TRIM44: variants seen among roughly 807,000 people sequenced by gnomAD.
TRIM44 encodes tripartite motif containing 44, also known as tripartite motif-containing protein 44.
Under a neutral mutation model 37.4 loss-of-function variants are expected in TRIM44, and 13 were observed. The observed-to-expected ratio is 0.35, with a 90% CI of 0.23 to 0.55. TRIM44 has a LOEUF of 0.55. Among genes scored for constraint, TRIM44 ranks in the 20% least tolerant of loss-of-function variants. TRIM44 has a pLI of 0.89. For missense variants in TRIM44, 426 were observed against 437.2 expected, an observed-to-expected ratio of 0.97 and a Z score of 0.23; for synonymous variants, 175 against 157.2, an observed-to-expected ratio of 1.11 and a Z score of -0.85.
intron 2 of TRIM44, among the ~76,000 whole-genome samples, chr11:35,699,446 C>T (rs549261572): frequency 2.0e-5 from 3 of 152,134 alleles, no homozygotes; most frequent in Admixed American, 6.5e-5. Flanking sequence ...ATTGATGGGA[C>T]GTATCTCAAA....
chr11:35,702,335 A>G (rs1166111245), intron 2 of TRIM44, among the ~76,000 whole-genome samples: 1 of 152,112 alleles, frequency 6.6e-6, no homozygotes, highest in Non-Finnish European at 1.5e-5. Flanking sequence ...GTGCGCATCC[A>G]CCGTTCTTTG....
At chr11:35,709,428 C>CA (rs200964798) in intron 2 of TRIM44, among the ~76,000 whole-genome samples, 1,874 of 152,080 alleles carry the variant, frequency 0.012, 48 homozygotes, top group African/African-American at 0.044. Context: ...AGGGATGAAA[C>CA]AAAAAAATCC....
chr11:35,763,246 A>C (rs1852751428), intron 4 of TRIM44, among the ~76,000 whole-genome samples: 2 of 152,120 alleles, frequency 1.3e-5, no homozygotes, highest in Admixed American at 1.3e-4. Context: ...GTGATTTCAG[A>C]TGGAGAGAAA....
chr11:35,772,417 C>T (rs1441410457), intron 4 of TRIM44, among the ~76,000 whole-genome samples: 1 of 152,208 alleles, frequency 6.6e-6, no homozygotes, highest in African/African-American at 2.4e-5. Context: ...GCACCATGCA[C>T]TTGGAAAAGT....
chr11:35,709,196 G>T (rs1184801120), intron 2 of TRIM44, among the ~76,000 whole-genome samples: 1 of 152,120 alleles, frequency 6.6e-6, no homozygotes, highest in African/African-American at 2.4e-5. Context: ...GTGCATTGTT[G>T]TTTATTCAGA....
At chr11:35,756,739 C>T (rs1852648869) in intron 4 of TRIM44, among the ~76,000 whole-genome samples, 1 of 152,084 alleles carries the variant, frequency 6.6e-6, no homozygotes, top group Non-Finnish European at 1.5e-5. Flanking sequence ...TTGTCAAAGG[C>T]CTTTTCTGCA....
intron 4 of TRIM44, among the ~76,000 whole-genome samples, chr11:35,756,826 G>A (rs1852650088): frequency 6.6e-6 from 1 of 152,090 alleles, no homozygotes; most frequent in South Asian, 2.1e-4. Flanking sequence ...GTGCGTATGT[G>A]GAACCAGCCT....
At chr11:35,745,574 A>G (rs1050987016) in intron 4 of TRIM44, among the ~76,000 whole-genome samples, 2 of 152,240 alleles carry the variant, frequency 1.3e-5, no homozygotes, top group South Asian at 4.1e-4. Flanking sequence ...CAATTTTACC[A>G]TAGACCAGTT....
In TRIM44 at chr11:35,808,814, G is replaced by T. The variant is rs375386514; in HGVS notation, c.*2429G>T. On this transcript the variant is annotated 3_prime_UTR_variant, in exon 5 of 5. Coordinates refer to ENST00000299413, the MANE Select transcript of TRIM44 (RefSeq NM_017583.6). Reference sequence around the variant, plus strand: ...CAGCATTTATCAATGTAAGAACTAGGATGCTTCCTGCAGTGGCACTACCTT... The same window carrying T: ...CAGCATTTATCAATGTAAGAACTAGTATGCTTCCTGCAGTGGCACTACCTT... The T allele has an allele frequency of 1.3e-5, 2 of 152,232 alleles. No homozygotes were observed. The highest frequency in any genetic ancestry group is 1.3e-4 in the Admixed American group (2 of 15,280). 9.4% of individuals were successfully genotyped at this position (152,232 alleles called of 1,614,324 possible). A position where few individuals can be genotyped will look rare whatever the true frequency, so the allele number is the denominator to read the frequency against.
chr11:35,786,470 C>T (rs1048574007), intron 4 of TRIM44, among the ~76,000 whole-genome samples: 2 of 152,092 alleles, frequency 1.3e-5, no homozygotes, highest in African/African-American at 4.8e-5. Context: ...CAATGCACAC[C>T]ACTTACACTA....
intron 4 of TRIM44, among the ~76,000 whole-genome samples, chr11:35,771,305 G>C (rs1211966128): frequency 6.6e-6 from 1 of 152,214 alleles, no homozygotes; most frequent in East Asian, 1.9e-4. Flanking sequence ...AAAAAGACTG[G>C]TGGCATTTTG....
intron 4 of TRIM44, among the ~76,000 whole-genome samples, chr11:35,797,685 A>T (rs1283972301): frequency 6.6e-6 from 1 of 152,228 alleles, no homozygotes; most frequent in East Asian, 1.9e-4. Context: ...ATTGAGGGAC[A>T]TTCTGCAAAA....
chr11:35,667,693 C>T (rs1393013972), intron 1 of TRIM44, among the ~76,000 whole-genome samples: 1 of 152,082 alleles, frequency 6.6e-6, no homozygotes, highest in East Asian at 1.9e-4. Flanking sequence ...TTTTTGGTTA[C>T]CCTTCAGGTG....
intron 4 of TRIM44, among the ~76,000 whole-genome samples, chr11:35,797,674 G>T (rs545584699): frequency 6.6e-6 from 1 of 152,144 alleles, no homozygotes; most frequent in Admixed American, 6.5e-5. Flanking sequence ...GACAGCTTCC[G>T]ATTGAGGGAC....
At chr11:35,697,915 C>T (rs1343363926) in intron 2 of TRIM44, among the ~76,000 whole-genome samples, 2 of 151,508 alleles carry the variant, frequency 1.3e-5, no homozygotes, top group Non-Finnish European at 2.9e-5. Flanking sequence ...AATAAACATA[C>T]GTGTGCATGT....
At chr11:35,802,571 A>G (rs1057487494) in intron 4 of TRIM44, among the ~76,000 whole-genome samples, 2 of 152,254 alleles carry the variant, frequency 1.3e-5, no homozygotes, top group South Asian at 2.1e-4. Context: ...CCAGGCCCAA[A>G]TACTTCCTGG....
At chr11:35,703,534 C>T (rs1851828274) in intron 2 of TRIM44, among the ~76,000 whole-genome samples, 1 of 152,210 alleles carries the variant, frequency 6.6e-6, no homozygotes, top group Non-Finnish European at 1.5e-5. Flanking sequence ...ACTGACACCT[C>T]ACACGGCCGG....
chr11:35,779,474 A>G (rs12271314), intron 4 of TRIM44, among the ~76,000 whole-genome samples: 2,925 of 152,134 alleles, frequency 0.019, 105 homozygotes, highest in African/African-American at 0.066. Flanking sequence ...AGTGAGATGA[A>G]CCTGGTACCT....
Position 35,663,483 on chromosome 11 carries a change from G to A in TRIM44, c.372G>A (p.Glu124=), listed in dbSNP as rs1466013298. 6.4e-7 allele frequency: 1 copy of A among 1,571,320 alleles called. No homozygotes were observed. The highest frequency in any genetic ancestry group is 1.2e-5 in the South Asian group (1 of 86,672). ...AGAGTGAGGATGAGAGCGATGAGGA[G>A]AGTGAAGAAGACAGCGAGGAAGAAA... The part of the protein sequence containing the change: ...EEESEDESDE[E]SEEDSEEEME... Residue 124 remains glutamate (E), a synonymous_variant, in exon 1 of 5, where the codon GAG becomes GAA. Transcript: ENST00000299413.
Sources: allele counts gnomAD v4.1 joint callset (sites outside exome capture counted in the v4.1 genomes callset), GRCh38; gene constraint gnomAD v4.1.1; transcripts MANE v1.5; gene names NCBI Gene and HGNC (gene_info 2026-07-23, HGNC 2026-07-21).